C8A: variants seen among roughly 807,000 people sequenced by gnomAD.
C8A encodes complement C8 alpha chain, also known as complement component C8 alpha chain.
Under a neutral mutation model 65.3 loss-of-function variants are expected in C8A, and 67 were observed. That is an observed-to-expected ratio of 1.03 (90% CI 0.84 to 1.26). The LOEUF is 1.26. Ranked by LOEUF, C8A falls within the 50% of genes most tolerant of loss-of-function variation. The pLI, the probability that C8A is intolerant of heterozygous loss-of-function variation, is 0.00. For missense variants in C8A, 781 were observed against 723.9 expected (o/e 1.08, Z -0.90); for synonymous variants, 290 against 259.4 (o/e 1.12, Z -1.13).
At chr1:56,856,898 A>G (rs1197059053) in intron 1 of C8A, among the ~76,000 whole-genome samples, 1 of 152,092 alleles carries the variant, frequency 6.6e-6, no homozygotes, top group Non-Finnish European at 1.5e-5. Context: ...ATGGTGATGG[A>G]AGGAAGTTAT....
intron 7 of C8A, among the ~76,000 whole-genome samples, chr1:56,894,587 T>C (rs908005583): frequency 4.6e-5 from 7 of 152,102 alleles, no homozygotes; most frequent in African/African-American, 1.7e-4. Context: ...GTCTACCACC[T>C]AACACACAAT....
chr1:56,917,697 T>G lies in C8A; in HGVS notation c.1736T>G (p.Val579Gly), dbSNP rs1279080400. Residue 579 changes from valine (V) to glycine (G), a missense_variant, in exon 11 of 11, where the codon GTA (valine) becomes GGA (glycine). By Grantham distance (109) the Val-to-Gly change is moderately radical (BLOSUM62 -3). Transcript: ENST00000361249. ...GGGGCCTCGTGTCCAGGGCGGAAAG[T>G]ACAGACGCAGGCTTGCTGAGGGCCT... is the stretch of plus-strand genomic sequence containing the variant. ...NGGASCPGRK[V>G]QTQAC The G allele has an allele frequency of 1.2e-6, 2 of 1,613,998 alleles. No homozygotes were observed. Among genetic ancestry groups the G allele is most frequent in the East Asian group, 2.2e-5 (1 of 44,890 alleles).
intron 1 of C8A, among the ~76,000 whole-genome samples, chr1:56,860,808 A>C (rs1001887545): frequency 6.6e-6 from 1 of 152,206 alleles, no homozygotes; most frequent in Non-Finnish European, 1.5e-5. Context: ...AGGGTGAAAA[A>C]AGCAGAAAGA....
chr1:56,886,681 A>C (rs35562962), intron 7 of C8A, among the ~76,000 whole-genome samples: 30,007 of 151,990 alleles, frequency 0.2, 3,327 homozygotes, highest in East Asian at 0.35. Context: ...TTGTTACTGC[A>C]TCAGCTCCTA....
chr1:56,914,659 G>GT (rs373998592), intron 10 of C8A, among the ~76,000 whole-genome samples: 24 of 152,044 alleles, frequency 1.6e-4, no homozygotes, highest in Admixed American at 2.6e-4. Flanking sequence ...CCGATCTTTA[G>GT]TTTTTTGTTT....
chr1:56,894,502 C>T (rs986145114), intron 7 of C8A, among the ~76,000 whole-genome samples: 1 of 152,144 alleles, frequency 6.6e-6, no homozygotes, highest in Admixed American at 6.6e-5. Context: ...CTGGGAAAGA[C>T]CCTTCCAGCA....
Position 56,883,654 on chromosome 1 carries a change from G to C in C8A, c.828G>C (p.Leu276Phe), listed in dbSNP as rs1222504236. 7 of 1,613,642 alleles carry C rather than the reference G, an allele frequency of 4.3e-6. No homozygotes were observed. The highest frequency in any genetic ancestry group is 2.2e-5 in the East Asian group (1 of 44,828). The change falls in exon 6 of 11, where the codon TTG becomes TTC. Residue 276 changes from leucine (L) to phenylalanine (F), a missense_variant. Coordinates refer to ENST00000361249, the MANE Select transcript of C8A (RefSeq NM_000562.3). ...CCCACTCACAAGACACTTCATTCTT[G>C]AACGAATTAAACAAGTATAATGAGA... is the stretch of plus-strand genomic sequence containing the variant. The part of the protein sequence containing the change: ...GVSHSQDTSF[L>F]NELNKYNEKK...
intron 6 of C8A, among the ~76,000 whole-genome samples, chr1:56,885,412 TTAAATATA>T: frequency 1.1e-5 from 1 of 89,700 alleles, no homozygotes; most frequent in Non-Finnish European, 2.2e-5. Context: ...ATATATTTAT[TTAAATATA>T]TATTTAAATA....
At chr1:56,886,645 A>T (rs2101249583) in intron 7 of C8A, among the ~76,000 whole-genome samples, 1 of 151,956 alleles carries the variant, frequency 6.6e-6, no homozygotes, top group African/African-American at 2.4e-5. Flanking sequence ...ACTCCTACTG[A>T]GGTATGCTGG....
rs747189437 is a variant in C8A at position 56,912,578 on chromosome 1, G to T, written c.1556G>T (p.Cys519Phe). 1.2e-6 allele frequency: 2 copies of T among 1,614,132 alleles called. No individual in the cohort carries two copies. The highest frequency in any genetic ancestry group is 1.7e-6 in the Non-Finnish European group (2 of 1,180,054). The change falls in exon 10 of 11, where the codon TGC (cysteine) becomes TTC (phenylalanine). Residue 519 changes from cysteine to phenylalanine, a missense_variant. By Grantham distance (205) the Cys-to-Phe change is radical. Transcript: ENST00000361249. ...GAGGGCACCAGCTGCAGGTGCCAGT[G>T]CCGCCTGGGTAGCTTGGGTGCTGCC... ...ILEGTSCRCQ[C>F]RLGSLGAACE...
intron 7 of C8A, among the ~76,000 whole-genome samples, chr1:56,906,255 A>G (rs972037169): frequency 6.6e-6 from 1 of 152,180 alleles, no homozygotes; most frequent in East Asian, 1.9e-4. Flanking sequence ...CTTTGGAAAG[A>G]TGATGGAAAG....
chr1:56,883,465 T>G lies in C8A; in HGVS notation c.655-16T>G. On this transcript the variant is annotated splice_polypyrimidine_tract_variant and intron_variant, in intron 5 of 10. Coordinates refer to ENST00000361249, the MANE Select transcript of C8A (RefSeq NM_000562.3). ...TCTATGTGCACAAAGCTAATATCTA[T>G]CCTTTTTTTTTTCAGGCCCTGGCAG... is the stretch of plus-strand genomic sequence containing the variant. 1 of 1,597,454 alleles carries G rather than the reference T, an allele frequency of 6.3e-7. No homozygotes were observed. Among genetic ancestry groups the G allele is most frequent in the Non-Finnish European group, 8.6e-7 (1 of 1,165,230 alleles).
At chr1:56,885,453 TATTTCCGTAAATATA>T (rs1644290703) in intron 6 of C8A, among the ~76,000 whole-genome samples, 1 of 131,650 alleles carries the variant, frequency 7.6e-6, no homozygotes, top group African/African-American at 2.7e-5. Context: ...AATATATATA[TATTTCCGTAAATATA>T]TATTTATTTA....
At chr1:56,861,332 A>T (rs918223133) in intron 1 of C8A, among the ~76,000 whole-genome samples, 1 of 152,182 alleles carries the variant, frequency 6.6e-6, no homozygotes, top group African/African-American at 2.4e-5. Flanking sequence ...GCTGCTTCAA[A>T]ACATGGCAGA....
chr1:56,912,718 T>C (rs1644519515), intron 10 of C8A, 93 bp downstream of exon 10: 1 of 1,151,722 alleles, frequency 8.7e-7, no homozygotes, highest in Non-Finnish European at 1.3e-6. Flanking sequence ...CCCCTCCTTT[T>C]GGAGCTCTCC....
chr1:56,890,215 C>T (rs1339342987), intron 7 of C8A, among the ~76,000 whole-genome samples: 2 of 152,146 alleles, frequency 1.3e-5, no homozygotes, highest in East Asian at 3.9e-4. Flanking sequence ...ATGCTCTCTT[C>T]CCTGTCTTGC....
chr1:56,868,297 C>T (rs938679706), intron 2 of C8A, among the ~76,000 whole-genome samples: 2 of 151,180 alleles, frequency 1.3e-5, no homozygotes, highest in Non-Finnish European at 2.9e-5. Context: ...GTTCAGAATC[C>T]CTGGCTCACA....
At chr1:56,883,030 A>T (rs1644260341) in intron 5 of C8A, among the ~76,000 whole-genome samples, 1 of 150,976 alleles carries the variant, frequency 6.6e-6, no homozygotes, top group Non-Finnish European at 1.5e-5. Context: ...GAAATCCTGT[A>T]TACCACTGCC....
rs189179859 is a variant in C8A, at chr1:56,879,255, T to C, written c.465-2190T>C. On this transcript the variant is annotated intron_variant, in intron 4 of 10. Coordinates refer to ENST00000361249, the MANE Select transcript of C8A (RefSeq NM_000562.3). Reference sequence around the variant, plus strand: ...TACTTCCTATTGAAAGAGAATTAGATTATTTCCCATATTTTCCTCTTACAA... The same window carrying C: ...TACTTCCTATTGAAAGAGAATTAGACTATTTCCCATATTTTCCTCTTACAA... 2.6e-5 allele frequency among the ~76,000 whole-genome samples: 4 copies of C among 152,336 alleles called. No homozygotes were observed. In the East Asian group the frequency reaches 7.7e-4, roughly 29 times the overall value.
Sources: allele counts gnomAD v4.1 joint callset (sites outside exome capture counted in the v4.1 genomes callset), GRCh38; gene constraint gnomAD v4.1.1; transcripts MANE v1.5; gene names NCBI Gene and HGNC (gene_info 2026-07-23, HGNC 2026-07-21).